PTPRN2: variants seen among roughly 807,000 people sequenced by gnomAD.
PTPRN2 encodes the protein protein tyrosine phosphatase receptor type N2, also known as receptor-type tyrosine-protein phosphatase N2.
A neutral mutation model predicts 118.8 loss-of-function variants in PTPRN2; 74 were observed. The observed-to-expected ratio is 0.62, with a 90% CI of 0.52 to 0.76. The LOEUF (loss-of-function observed/expected upper bound fraction) is 0.76. PTPRN2 is among the 30% of genes least tolerant of loss of function. The pLI is 0.00. For missense variants in PTPRN2, 1,481 were observed against 1,394.4 expected (o/e 1.06, Z -0.99); for synonymous variants, 641 against 608.0 (o/e 1.05, Z -0.80).
chr7:158,424,804 A>C (rs1258081167), intron 2 of PTPRN2, among the ~76,000 whole-genome samples: 1 of 150,666 alleles, frequency 6.6e-6, no homozygotes. Flanking sequence ...AGGTGTGCTC[A>C]GCACCCTCGA....
At chr7:158,540,549 T>C (rs1451282861) in intron 1 of PTPRN2, among the ~76,000 whole-genome samples, 3 of 152,076 alleles carry the variant, frequency 2.0e-5, no homozygotes, top group Non-Finnish European at 4.4e-5. Flanking sequence ...GGGGGGTTTC[T>C]TTGGAGGTGG....
At chr7:157,939,756 T>G (rs1307467094) in intron 11 of PTPRN2, among the ~76,000 whole-genome samples, 1 of 152,238 alleles carries the variant, frequency 6.6e-6, no homozygotes, top group African/African-American at 2.4e-5. Flanking sequence ...AAGATGTGTT[T>G]GCCTAGCAGT....
At chr7:158,374,536 T>C (rs1384795430) in intron 2 of PTPRN2, among the ~76,000 whole-genome samples, 2 of 152,066 alleles carry the variant, frequency 1.3e-5, no homozygotes, top group Admixed American at 6.6e-5. Context: ...AGAGACTTTA[T>C]TCATAGGCGC....
At chr7:157,967,982 T>C (rs1802062479) in intron 11 of PTPRN2, among the ~76,000 whole-genome samples, 1 of 152,198 alleles carries the variant, frequency 6.6e-6, no homozygotes, top group South Asian at 2.1e-4. Context: ...GTTAGTAACA[T>C]ACCTTTGGAC....
chr7:157,966,696 T>A (rs1367585040), intron 11 of PTPRN2, among the ~76,000 whole-genome samples: 1 of 151,776 alleles, frequency 6.6e-6, no homozygotes, highest in Non-Finnish European at 1.5e-5. Flanking sequence ...ACAATCCCCA[T>A]CATCTTCATC....
At position 158,111,018 on chromosome 7, in the gene PTPRN2, C is replaced by T. The variant is rs957925084; in HGVS notation, c.1557-103G>A. ...AGCCCCGCTCCCTGGTCCCCACACA[C>T]ACCCTGCTCTCCTGGCCTGGGGTCA... On this transcript the variant is annotated intron_variant, in intron 9 of 22. Coordinates refer to ENST00000389418, the MANE Select transcript of PTPRN2 (RefSeq NM_002847.5). 1.2e-4 allele frequency: 114 copies of T among 982,742 alleles called. No homozygotes were observed. The South Asian group carries it at 1.7e-3, about 15-fold the overall frequency. The allele number at this position is 982,742 out of a possible 1,614,324, so 60.9% of individuals were successfully genotyped here. A position where few individuals can be genotyped will look rare whatever the true frequency, so the allele number is the denominator to read the frequency against.
At chr7:157,758,253 G>C (rs1478894037) in intron 12 of PTPRN2, among the ~76,000 whole-genome samples, 1 of 152,238 alleles carries the variant, frequency 6.6e-6, no homozygotes, top group Non-Finnish European at 1.5e-5. Flanking sequence ...GATGACGAGC[G>C]TGGTGTTGCC....
At chr7:158,154,259 C>G (rs1001712614) in intron 6 of PTPRN2, among the ~76,000 whole-genome samples, 1 of 152,252 alleles carries the variant, frequency 6.6e-6, no homozygotes, top group Non-Finnish European at 1.5e-5. Context: ...CCATTCACCA[C>G]AGTTGGGACT....
intron 2 of PTPRN2, among the ~76,000 whole-genome samples, chr7:158,367,542 G>A (rs1809634412): frequency 6.6e-6 from 1 of 152,182 alleles, no homozygotes; most frequent in African/African-American, 2.4e-5. Flanking sequence ...GCTGGCTCCT[G>A]GGGAGCACGT....
chr7:157,789,171 C>T (rs986923206), intron 12 of PTPRN2, among the ~76,000 whole-genome samples: 5 of 152,238 alleles, frequency 3.3e-5, no homozygotes, highest in African/African-American at 7.2e-5. Context: ...TCTTTGGTGA[C>T]AGATGAAGTC....
chr7:157,634,090 C>G (rs772616327), intron 14 of PTPRN2, among the ~76,000 whole-genome samples: 1 of 144,062 alleles, frequency 6.9e-6, no homozygotes, highest in Non-Finnish European at 1.5e-5. Flanking sequence ...GCAGGCAACA[C>G]GTCCTAGGAT....
intron 2 of PTPRN2, among the ~76,000 whole-genome samples, chr7:158,331,714 C>A (rs1293494233): frequency 7.3e-6 from 1 of 137,018 alleles, no homozygotes; most frequent in African/African-American, 2.7e-5. Context: ...CTAACACCCA[C>A]ATTCTCACCA....
In PTPRN2 at chr7:158,133,934, A is replaced by G. The variant is rs1326233023; in HGVS notation, c.1299T>C (p.Ser433=). Residue 433 remains serine (S), a synonymous_variant, in exon 9 of 23, where the codon TCT becomes TCC. Transcript: ENST00000389418. ...MERKKSEHPE[S]SLSSEEETAG... ...CAGTCTCCTCTTCTGAAGACAGGGA[A>G]GACTCAGGGTGCTCGGACTTCTTCC... is the stretch of plus-strand genomic sequence containing the variant. The G allele has an allele frequency of 1.2e-6, 2 of 1,614,024 alleles. No individual in the cohort carries two copies.
chr7:158,219,920 A>T (rs572787072), intron 3 of PTPRN2, among the ~76,000 whole-genome samples: 1 of 151,984 alleles, frequency 6.6e-6, no homozygotes, highest in South Asian at 2.1e-4. Flanking sequence ...GGAACCAGAC[A>T]AATTCACAGC....
chr7:157,734,904 G>A (rs968997357), intron 12 of PTPRN2, among the ~76,000 whole-genome samples: 4 of 152,244 alleles, frequency 2.6e-5, no homozygotes, highest in African/African-American at 9.6e-5. Context: ...TGATGTCGAC[G>A]TGGGAGGCAA....
At chr7:158,387,535 G>T in intron 2 of PTPRN2, among the ~76,000 whole-genome samples, 2 of 152,284 alleles carry the variant, frequency 1.3e-5, no homozygotes, top group African/African-American at 2.4e-5. Context: ...CTGGGTCCTG[G>T]GGGGACTGGA....
intron 11 of PTPRN2, among the ~76,000 whole-genome samples, chr7:158,051,652 GGT>G (rs1403434078): frequency 6.6e-6 from 1 of 152,170 alleles, no homozygotes; most frequent in Non-Finnish European, 1.5e-5. Context: ...TTCCCCTTTT[GGT>G]GACGTTCAGC....
At chr7:157,850,267 A>G (rs1809170039) in intron 12 of PTPRN2, among the ~76,000 whole-genome samples, 1 of 149,690 alleles carries the variant, frequency 6.7e-6, no homozygotes, top group Non-Finnish European at 1.5e-5. Flanking sequence ...AGGTCTCCAA[A>G]TTTCCGACAT....
chr7:158,263,443 C>T (rs1416136350), intron 3 of PTPRN2, among the ~76,000 whole-genome samples: 2 of 152,248 alleles, frequency 1.3e-5, no homozygotes, highest in African/African-American at 4.8e-5. Context: ...CACAGGCACA[C>T]ACACACAGCC....
Sources: gnomAD v4.1 joint callset for allele counts (sites outside exome capture counted in the v4.1 genomes callset) on GRCh38, gnomAD v4.1.1 for gene constraint, MANE v1.5 for transcripts, NCBI Gene and HGNC (gene_info 2026-07-23, HGNC 2026-07-21) for gene names.